Variants in NWD2 observed in about 807,000 individuals in gnomAD.
NWD2 encodes NACHT and WD repeat domain containing 2.
NWD2 carries 37 observed loss-of-function variants against 132.7 expected under a neutral mutation model. The observed-to-expected ratio is 0.28, with a 90% CI of 0.21 to 0.37. NWD2 has a LOEUF of 0.37. NWD2 is among the 10% of genes least tolerant of loss of function. The pLI, the probability that NWD2 is intolerant of heterozygous loss-of-function variation, is 1.00. For missense variants in NWD2, 1,592 were observed against 2,122.4 expected (o/e 0.75, Z 4.91); for synonymous variants, 705 against 803.0 (o/e 0.88, Z 2.06).
At chr4:37,368,957 A>C (rs1462961676) in intron 3 of NWD2, among the ~76,000 whole-genome samples, 1 of 152,202 alleles carries the variant, frequency 6.6e-6, no homozygotes, top group African/African-American at 2.4e-5. Flanking sequence ...AGATACCCTG[A>C]TGAGCTAAGG....
intron 1 of NWD2, among the ~76,000 whole-genome samples, chr4:37,291,402 T>A (rs1718357008): frequency 6.6e-6 from 1 of 152,160 alleles, no homozygotes; most frequent in Non-Finnish European, 1.5e-5. Context: ...CATTACCTTT[T>A]TGTAAATTTA....
intron 3 of NWD2, among the ~76,000 whole-genome samples, chr4:37,383,981 T>C (rs1720509383): frequency 6.6e-6 from 1 of 152,158 alleles, no homozygotes; most frequent in Admixed American, 6.5e-5. Flanking sequence ...TATAGTTAAA[T>C]AAAAACCTGC....
At position 37,348,637 on chromosome 4, in the gene NWD2, C is replaced by CAT. The variant is rs370439742; in HGVS notation, c.241-7691_241-7690dup. Reference sequence around the variant, plus strand: ...TTAAGATCCTTGCCTGTGGTTAATTCATATATATATATATATATATATATA... The same window carrying CAT: ...TTAAGATCCTTGCCTGTGGTTAATTCATATATATATATATATATATATATATA... On this transcript the variant is annotated intron_variant, in intron 2 of 6. Transcript: ENST00000309447. Among the ~76,000 whole-genome samples the CAT allele has an allele frequency of 4.0e-3, 106 of 26,526 alleles. 2 individuals carry two copies. Among genetic ancestry groups the CAT allele is most frequent in the East Asian group, 0.011 (6 of 532 alleles). 17.4% of individuals were successfully genotyped at this position (26,526 alleles called of 152,430 possible).
chr4:37,310,148 T>C (rs1254577616), intron 1 of NWD2, among the ~76,000 whole-genome samples: 1 of 152,222 alleles, frequency 6.6e-6, no homozygotes, highest in Non-Finnish European at 1.5e-5. Context: ...AAAATGATAC[T>C]TAAAAGTCAC....
At chr4:37,421,461 A>C (rs1176537792) in intron 3 of NWD2, among the ~76,000 whole-genome samples, 2 of 152,242 alleles carry the variant, frequency 1.3e-5, no homozygotes, top group African/African-American at 2.4e-5. Flanking sequence ...TACAGGCAAA[A>C]GCATCTTGCA....
Position 37,395,954 on chromosome 4 carries a change from T to C in NWD2, c.358-34618T>C, listed in dbSNP as rs144567893. 3.8e-4 allele frequency among the ~76,000 whole-genome samples: 57 copies of C among 151,984 alleles called. No individual in the cohort carries two copies. In the East Asian group the frequency reaches 3.9e-3, roughly 10 times the overall value. On this transcript the variant is annotated intron_variant, in intron 3 of 6. Coordinates refer to ENST00000309447, the MANE Select transcript of NWD2 (RefSeq NM_001144990.2). ...GAATCTTGATAGCACCTGTCTGAGA[T>C]GTATTGCTTCCCCAGTGGGAAGGAA...
chr4:37,273,414 C>T (rs566194652), intron 1 of NWD2, among the ~76,000 whole-genome samples: 67 of 152,118 alleles, frequency 4.4e-4, no homozygotes, highest in African/African-American at 1.6e-3. Context: ...AATACAGGAG[C>T]ACCCAGATTC....
chr4:37,348,349 C>A (rs190777624), intron 2 of NWD2, among the ~76,000 whole-genome samples: 29 of 152,086 alleles, frequency 1.9e-4, no homozygotes, highest in African/African-American at 7.0e-4. Context: ...ACCTCCTCCA[C>A]GGACAAGCCA....
intron 1 of NWD2, among the ~76,000 whole-genome samples, chr4:37,257,238 C>T (rs913573529): frequency 1.3e-5 from 2 of 152,150 alleles, no homozygotes; most frequent in Non-Finnish European, 2.9e-5. Flanking sequence ...CCTAAACCTG[C>T]CCAAGGTGCA....
intron 2 of NWD2, among the ~76,000 whole-genome samples, chr4:37,342,452 C>T (rs1719547142): frequency 6.6e-6 from 1 of 152,152 alleles, no homozygotes. Flanking sequence ...TCAGGTATTC[C>T]TTTATAGCAA....
chr4:37,353,776 C>T (rs1719816799), intron 2 of NWD2, among the ~76,000 whole-genome samples: 1 of 151,944 alleles, frequency 6.6e-6, no homozygotes, highest in East Asian at 1.9e-4. Flanking sequence ...AGCTTTTTTG[C>T]ATTGGGTTGG....
intron 3 of NWD2, among the ~76,000 whole-genome samples, chr4:37,412,350 C>T (rs994642509): frequency 2.6e-5 from 4 of 151,092 alleles, no homozygotes; most frequent in Middle Eastern, 3.2e-3. Flanking sequence ...AACAGACAAA[C>T]AGCCAAATCA....
At chr4:37,332,769 A>C (rs895645110) in intron 2 of NWD2, among the ~76,000 whole-genome samples, 3 of 152,200 alleles carry the variant, frequency 2.0e-5, no homozygotes, top group African/African-American at 7.2e-5. Context: ...AGTAGGGTAG[A>C]GCACCAAGCG....
intron 1 of NWD2, among the ~76,000 whole-genome samples, chr4:37,281,346 A>T (rs1560384279): frequency 1.3e-5 from 2 of 149,602 alleles, no homozygotes; most frequent in African/African-American, 2.5e-5. Flanking sequence ...TAGAATCTAC[A>T]TTTTTTTTTT....
chr4:37,312,666 G>A (rs1718871886), intron 1 of NWD2, among the ~76,000 whole-genome samples: 1 of 150,788 alleles, frequency 6.6e-6, no homozygotes. Flanking sequence ...CCAACACTAT[G>A]TTGAATAGGA....
At chr4:37,275,821 CA>C (rs1717999663) in intron 1 of NWD2, among the ~76,000 whole-genome samples, 1 of 152,076 alleles carries the variant, frequency 6.6e-6, no homozygotes, top group South Asian at 2.1e-4. Context: ...TGATCTTTGA[CA>C]AACCTGACAA....
At chr4:37,264,138 C>G (rs3860071) in intron 1 of NWD2, among the ~76,000 whole-genome samples, 28,626 of 152,154 alleles carry the variant, frequency 0.19, 3,528 homozygotes, top group Middle Eastern at 0.31. Flanking sequence ...TATCCAATCC[C>G]AATTTGAACA....
chr4:37,387,836 G>A (rs549353663), intron 3 of NWD2, among the ~76,000 whole-genome samples: 10 of 151,974 alleles, frequency 6.6e-5, no homozygotes, highest in African/African-American at 2.2e-4. Flanking sequence ...CATCATGCCT[G>A]GCTAATTTTT....
intron 1 of NWD2, among the ~76,000 whole-genome samples, chr4:37,255,697 A>T (rs564560860): frequency 6.6e-6 from 1 of 152,314 alleles, no homozygotes; most frequent in East Asian, 1.9e-4. Context: ...CCAGCCCCTA[A>T]TCATAAGGGA....
Sources: gnomAD v4.1 joint callset for allele counts (sites outside exome capture counted in the v4.1 genomes callset) on GRCh38, gnomAD v4.1.1 for gene constraint, MANE v1.5 for transcripts, NCBI Gene and HGNC (gene_info 2026-07-23, HGNC 2026-07-21) for gene names.